Variants in CATSPERD observed in about 807,000 individuals in gnomAD.
CATSPERD encodes catsper channel auxiliary subunit delta, also known as cation channel sperm-associated auxiliary subunit delta.
A neutral mutation model predicts 98.1 loss-of-function variants in CATSPERD; 86 were observed. The observed-to-expected ratio is 0.88, with a 90% CI of 0.74 to 1.05. The LOEUF (loss-of-function observed/expected upper bound fraction) is 1.05, where lower values mean the gene tolerates loss of function less well. Ranked by LOEUF, CATSPERD falls within the 50% of genes least tolerant of loss-of-function variation. CATSPERD has a pLI of 0.00. For missense variants in CATSPERD, 995 were observed against 1,005.7 expected, an observed-to-expected ratio of 0.99 and a Z score of 0.14; for synonymous variants, 394 against 390.2, an observed-to-expected ratio of 1.01 and a Z score of -0.12.
chr19:5,721,234 C>T (rs1437983018), intron 1 of CATSPERD, among the ~76,000 whole-genome samples: 1 of 152,134 alleles, frequency 6.6e-6, no homozygotes, highest in Non-Finnish European at 1.5e-5. Flanking sequence ...GATCTCCTGA[C>T]CTCGTGACCC....
intron 10 of CATSPERD, 126 bp downstream of exon 10, chr19:5,748,381 A>C: frequency 1.2e-6 from 1 of 856,494 alleles, no homozygotes; most frequent in Non-Finnish European, 1.9e-6. Flanking sequence ...CTGTAATTCC[A>C]GCACTTTGGG....
chr19:5,778,298 G>C (rs1285836010), intron 21 of CATSPERD, 78 bp from the exon 22 acceptor site: 1 of 1,362,384 alleles, frequency 7.3e-7, no homozygotes, highest in African/African-American at 1.4e-5. Context: ...CTGTGGGTCT[G>C]AACACCTTTG....
Position 5,733,918 on chromosome 19 carries a change from T to C in CATSPERD, c.339T>C (p.Asp113=). ...GTTCGTTATTGCTGTTAGTAGTGGA[T>C]CAAAAAGTCTATATTTATGATTATG... ...FAGSLLLLVV[D]QKVYIYDYEN... is the part of the protein sequence containing the mutation. Residue 113 remains aspartate (D), a synonymous_variant, in exon 5 of 22, where the codon GAT becomes GAC. Coordinates refer to ENST00000381624, the MANE Select transcript of CATSPERD (RefSeq NM_152784.4). 6.2e-7 allele frequency: 1 copy of C among 1,612,188 alleles called. No homozygotes were observed. Among genetic ancestry groups the C allele is most frequent in the Non-Finnish European group, 8.5e-7 (1 of 1,179,402 alleles).
chr19:5,777,264 C>T lies in CATSPERD; in HGVS notation c.2096+949C>T, dbSNP rs559182460. ...GGCCCCAGACTAGGAGGATCAGCTC[C>T]GGGGTGGCAGCAGGTGGAAGGCACT... On this transcript the variant is annotated intron_variant, in intron 21 of 21. Coordinates refer to ENST00000381624, the MANE Select transcript of CATSPERD (RefSeq NM_152784.4). Among the ~76,000 whole-genome samples, 12 of 152,070 alleles carry T rather than the reference C, an allele frequency of 7.9e-5. No homozygotes were observed. The South Asian group carries it at 1.2e-3, about 16-fold the overall frequency.
rs1218898339 is a variant in CATSPERD, at chr19:5,746,516, CCTCCCGGGTTCACACCATT to C, written c.808+457_808+475del. ...CGATCTTGGCCCACTGCAAGCTCCG[CCTCCCGGGTTCACACCATT>C]CTCTGGCTTCAGCCTCCCTAGTAGC... On this transcript the variant is annotated intron_variant, in intron 9 of 21. Transcript: ENST00000381624. 9.9e-5 allele frequency among the ~76,000 whole-genome samples: 15 copies of C among 152,252 alleles called. No individual in the cohort carries two copies. In the East Asian group the frequency reaches 2.9e-3, roughly 29 times the overall value.
At chr19:5,771,265 T>C (rs2056639461) in intron 19 of CATSPERD, among the ~76,000 whole-genome samples, 193 bp downstream of exon 19, 1 of 152,230 alleles carries the variant, frequency 6.6e-6, no homozygotes, top group South Asian at 2.1e-4. Context: ...TTTTCTTTTT[T>C]TGAGACAGGG....
At chr19:5,732,622 C>T (rs1419733579) in intron 4 of CATSPERD, among the ~76,000 whole-genome samples, 4 of 151,568 alleles carry the variant, frequency 2.6e-5, no homozygotes, top group African/African-American at 4.8e-5. Context: ...TTAGTAGAGA[C>T]GGGGTTTCAC....
At chr19:5,730,866 T>A (rs2055701561) in intron 4 of CATSPERD, among the ~76,000 whole-genome samples, 1 of 152,082 alleles carries the variant, frequency 6.6e-6, no homozygotes, top group African/African-American at 2.4e-5. Context: ...CTGGGCGTGG[T>A]GGCAGGTGCT....
At chr19:5,746,099 GT>G in intron 9 of CATSPERD, 36 bp downstream of exon 9, 1 of 1,595,952 alleles carries the variant, frequency 6.3e-7, no homozygotes, top group East Asian at 2.3e-5. Flanking sequence ...CTGCCGCCTG[GT>G]GGCCTCCTCC....
intron 9 of CATSPERD, 31 bp from the exon 10 acceptor site, chr19:5,748,129 G>A (rs374666388): frequency 1.1e-5 from 17 of 1,572,020 alleles, no homozygotes; most frequent in Non-Finnish European, 1.4e-5. Flanking sequence ...ATGTACACGG[G>A]GCCTCATGCA....
At position 5,744,514 on chromosome 19, in the gene CATSPERD, A is replaced by C. The variant is rs367750906; in HGVS notation, c.657+4A>C. The C allele has an allele frequency of 4.3e-6, 7 of 1,609,286 alleles. No individual in the cohort carries two copies. The highest frequency in any genetic ancestry group is 5.1e-6 in the Non-Finnish European group (6 of 1,176,664). ...GCTTGTAGTGAATCAAGGGAAGGTAAGTAACTGCAGAGGGAAGAACTACTC... is the reference window on the plus strand; with the variant it reads ...GCTTGTAGTGAATCAAGGGAAGGTACGTAACTGCAGAGGGAAGAACTACTC... On this transcript the variant is annotated splice_donor_region_variant and intron_variant, in intron 8 of 21. Transcript: ENST00000381624.
intron 15 of CATSPERD, 102 bp from the exon 16 acceptor site, chr19:5,763,113 T>C: frequency 1.2e-6 from 1 of 800,052 alleles, no homozygotes; most frequent in South Asian, 1.6e-5. Context: ...GATGGATGGA[T>C]GGATGCACGG....
intron 19 of CATSPERD, 125 bp from the exon 20 acceptor site, chr19:5,772,663 T>A: frequency 1.1e-6 from 1 of 947,618 alleles, no homozygotes; most frequent in Non-Finnish European, 1.6e-6. Context: ...GCAGGCGTCC[T>A]TTGGTTTCCT....
intron 6 of CATSPERD, among the ~76,000 whole-genome samples, chr19:5,738,811 A>G (rs1275345286): frequency 1.3e-5 from 2 of 152,266 alleles, no homozygotes; most frequent in South Asian, 2.1e-4. Context: ...CCTGGCCTCA[A>G]GTGATCCACC....
intron 18 of CATSPERD, among the ~76,000 whole-genome samples, chr19:5,770,293 G>A (rs559074420): frequency 2.4e-4 from 37 of 151,410 alleles, no homozygotes; most frequent in South Asian, 1.2e-3. Context: ...AGCCGGGCGT[G>A]GTGGTGGGCA....
Position 5,720,820 on chromosome 19 carries a change from A to G in CATSPERD, c.71+12A>G, listed in dbSNP as rs776767872. On this transcript the variant is annotated intron_variant, in intron 1 of 21. Coordinates refer to ENST00000381624, the MANE Select transcript of CATSPERD (RefSeq NM_152784.4). ...GCTCAGCTCTGTCGGTGGGGCTGCCAGGACTCCTGGGGCTGGGGTGCTGCC... is the reference window on the plus strand; with the variant it reads ...GCTCAGCTCTGTCGGTGGGGCTGCCGGGACTCCTGGGGCTGGGGTGCTGCC... 1 of 1,595,330 alleles carries G rather than the reference A, an allele frequency of 6.3e-7. No homozygotes were observed. The highest frequency in any genetic ancestry group is 8.5e-7 in the Non-Finnish European group (1 of 1,177,080).
rs985452653 is a variant in CATSPERD, at chr19:5,766,205, C to T, written c.1559+50C>T. The T allele has an allele frequency of 1.0e-5, 16 of 1,536,878 alleles. No homozygotes were observed. The African/African-American group carries it at 1.2e-4, about 12-fold the overall frequency. On this transcript the variant is annotated intron_variant, in intron 17 of 21. Coordinates refer to ENST00000381624, the MANE Select transcript of CATSPERD (RefSeq NM_152784.4). ...ATGGCTCATTCCTGTGATCCCAGCACTTTGGGAGGCCGAGGTGGGCAGATC... is the reference window on the plus strand; with the variant it reads ...ATGGCTCATTCCTGTGATCCCAGCATTTTGGGAGGCCGAGGTGGGCAGATC...
At chr19:5,720,834 TG>T in intron 1 of CATSPERD, 26 bp downstream of exon 1, 3 of 1,585,808 alleles carry the variant, frequency 1.9e-6, no homozygotes, top group Non-Finnish European at 2.6e-6. Context: ...CTCCTGGGGC[TG>T]GGGTGCTGCC....
chr19:5,776,996 T>G (rs564964011), intron 21 of CATSPERD, among the ~76,000 whole-genome samples: 1 of 152,260 alleles, frequency 6.6e-6, no homozygotes, highest in African/African-American at 2.4e-5. Context: ...CCAGGAGGCC[T>G]TTCCCCTCTG....
Sources: allele counts gnomAD v4.1 joint callset (sites outside exome capture counted in the v4.1 genomes callset), GRCh38; gene constraint gnomAD v4.1.1; transcripts MANE v1.5; gene names NCBI Gene and HGNC (gene_info 2026-07-23, HGNC 2026-07-21).